The following DLGAP1 variants were observed in gnomAD, a reference collection of about 807,000 sequenced individuals.
DLGAP1 encodes disks large-associated protein 1.
DLGAP1 carries 11 observed loss-of-function variants against 90.8 expected under a neutral mutation model. The ratio of observed to expected loss-of-function variants is 0.12; its 90% CI spans 0.08 to 0.20. DLGAP1 has a LOEUF of 0.20. DLGAP1 is among the 10% of genes least tolerant of loss of function. The probability of loss-of-function intolerance (pLI) is 1.00; values close to 1 mark genes in which losing one functional copy is unlikely to be tolerated. For missense variants in DLGAP1, 1,050 were observed against 1,333.8 expected (o/e 0.79, Z 3.31); for synonymous variants, 558 against 540.7 (o/e 1.03, Z -0.44).
chr18:3,935,917 A>G (rs1283429191), intron 3 of DLGAP1, among the ~76,000 whole-genome samples: 1 of 152,174 alleles, frequency 6.6e-6, no homozygotes, highest in East Asian at 1.9e-4. Context: ...CAAAGGAAAT[A>G]TTTTATTTAT....
chr18:4,365,446 T>C (rs542577837), intron 1 of DLGAP1, among the ~76,000 whole-genome samples: 7 of 152,268 alleles, frequency 4.6e-5, no homozygotes, highest in African/African-American at 1.2e-4. Flanking sequence ...AGGAATCCTT[T>C]TGAAGTGATA....
At chr18:3,912,472 C>G (rs2072057132) in intron 3 of DLGAP1, among the ~76,000 whole-genome samples, 1 of 152,186 alleles carries the variant, frequency 6.6e-6, no homozygotes, top group Non-Finnish European at 1.5e-5. Context: ...AGTCTAGGCA[C>G]TGGAGATAGC....
At chr18:4,241,591 A>G (rs2078534764) in intron 1 of DLGAP1, among the ~76,000 whole-genome samples, 1 of 152,244 alleles carries the variant, frequency 6.6e-6, no homozygotes, top group African/African-American at 2.4e-5. Flanking sequence ...TCTTAGTTAC[A>G]TGGATGAAGG....
At chr18:4,420,983 A>G (rs1307557541) in intron 1 of DLGAP1, among the ~76,000 whole-genome samples, 2 of 152,234 alleles carry the variant, frequency 1.3e-5, no homozygotes, top group African/African-American at 4.8e-5. Flanking sequence ...AATTTGGTTC[A>G]GAGATTTTTC....
At chr18:4,374,977 T>C (rs1440651649) in intron 1 of DLGAP1, among the ~76,000 whole-genome samples, 1 of 152,044 alleles carries the variant, frequency 6.6e-6, no homozygotes, top group African/African-American at 2.4e-5. Context: ...AAATAAAATA[T>C]CACTTCTCTT....
chr18:3,600,787 T>G (rs2056894396), intron 7 of DLGAP1, among the ~76,000 whole-genome samples: 1 of 122,676 alleles, frequency 8.2e-6, no homozygotes, highest in Non-Finnish European at 1.6e-5. Flanking sequence ...TATATAGATA[T>G]ATATAGATAT....
intron 9 of DLGAP1, among the ~76,000 whole-genome samples, chr18:3,560,727 A>G (rs1219905519): frequency 1.3e-5 from 2 of 151,010 alleles, no homozygotes; most frequent in South Asian, 2.1e-4. Context: ...ATTTGTTACT[A>G]CTTTCTATTT....
At chr18:4,387,981 G>T (rs1033670998) in intron 1 of DLGAP1, among the ~76,000 whole-genome samples, 1 of 148,330 alleles carries the variant, frequency 6.7e-6, no homozygotes, top group East Asian at 2.0e-4. Flanking sequence ...ACACTCAAAA[G>T]GCCCAGGTAA....
chr18:4,403,384 TTTAA>T (rs1476366322), intron 1 of DLGAP1, among the ~76,000 whole-genome samples: 1 of 152,230 alleles, frequency 6.6e-6, no homozygotes, highest in Non-Finnish European at 1.5e-5. Flanking sequence ...ATTCTACTTA[TTTAA>T]TTTTCATTTT....
chr18:3,655,238 C>T (rs754864887), intron 7 of DLGAP1, among the ~76,000 whole-genome samples: 2 of 152,078 alleles, frequency 1.3e-5, no homozygotes, highest in Non-Finnish European at 1.5e-5. Flanking sequence ...AAAGCATGGC[C>T]GACAAACTCC....
intron 3 of DLGAP1, among the ~76,000 whole-genome samples, chr18:3,991,716 T>C (rs2073972387): frequency 6.6e-6 from 1 of 152,230 alleles, no homozygotes; most frequent in Non-Finnish European, 1.5e-5. Flanking sequence ...CTTTAATATG[T>C]TAATATCTCA....
At chr18:3,768,914 G>T (rs1243044168) in intron 5 of DLGAP1, among the ~76,000 whole-genome samples, 1 of 152,116 alleles carries the variant, frequency 6.6e-6, no homozygotes, top group Non-Finnish European at 1.5e-5. Context: ...GTGAAAACCT[G>T]ATAAATTGGA....
chr18:3,672,157 A>G (rs1206146026), intron 7 of DLGAP1, among the ~76,000 whole-genome samples: 2 of 150,758 alleles, frequency 1.3e-5, no homozygotes, highest in South Asian at 2.1e-4. Context: ...GTTTTTTTCA[A>G]TGGGAGAAAA....
intron 1 of DLGAP1, chr18:4,275,386 A>G (rs1398045083): frequency 6.6e-6 from 1 of 152,170 alleles, no homozygotes; most frequent in Non-Finnish European, 1.5e-5. Flanking sequence ...ACAGGTATGC[A>G]TGTATTTAAA....
chr18:3,819,699 C>A (rs112881100), intron 4 of DLGAP1, among the ~76,000 whole-genome samples: 6 of 150,974 alleles, frequency 4.0e-5, no homozygotes, highest in African/African-American at 1.2e-4. Context: ...AGATTAGTAA[C>A]TAGTGTAGGG....
intron 4 of DLGAP1, among the ~76,000 whole-genome samples, chr18:3,819,040 G>C (rs557905129): frequency 4.0e-5 from 6 of 151,778 alleles, no homozygotes; most frequent in Non-Finnish European, 8.8e-5. Flanking sequence ...GGCCGGACGC[G>C]GTGGCTCATG....
rs73378926 is a variant in DLGAP1, at chr18:4,291,676, C to G, written c.-266-140389G>C. ...TGTAGCTACCATGAGAAATAAGATG[C>G]TATATAATACTTTATGTCTCACTAT... On this transcript the variant is annotated intron_variant, in intron 1 of 12. Transcript: ENST00000315677. 5.0e-3 allele frequency among the ~76,000 whole-genome samples: 755 copies of G among 152,056 alleles called. 6 individuals are homozygous for G. Among genetic ancestry groups the G allele is most frequent in the African/African-American group, 0.018 (727 of 41,498 alleles).
chr18:3,503,387 G>T (rs1459394999), intron 11 of DLGAP1, among the ~76,000 whole-genome samples: 1 of 152,138 alleles, frequency 6.6e-6, no homozygotes, highest in Non-Finnish European at 1.5e-5. Flanking sequence ...TTTCAGGATT[G>T]ACTTTCTTTG....
intron 5 of DLGAP1, among the ~76,000 whole-genome samples, chr18:3,811,294 T>C (rs1251968322): frequency 6.6e-6 from 1 of 152,234 alleles, no homozygotes; most frequent in Non-Finnish European, 1.5e-5. Flanking sequence ...TATGTTTGAA[T>C]GGTTGTCTAA....
Sources: gnomAD v4.1 joint callset for allele counts (sites outside exome capture counted in the v4.1 genomes callset) on GRCh38, gnomAD v4.1.1 for gene constraint, MANE v1.5 for transcripts, NCBI Gene and HGNC (gene_info 2026-07-23, HGNC 2026-07-21) for gene names.